NBAS: variants seen among roughly 807,000 people sequenced by gnomAD.
The protein encoded by NBAS is NAG/BC035112 fusion.
NBAS carries 219 observed loss-of-function variants against 302.5 expected under a neutral mutation model. The ratio of observed to expected loss-of-function variants is 0.72; its 90% CI spans 0.65 to 0.81. NBAS has a LOEUF of 0.81. Among genes scored for constraint, NBAS ranks in the 30% least tolerant of loss-of-function variants. The probability of loss-of-function intolerance (pLI) is 0.00; values close to 1 mark genes in which losing one functional copy is unlikely to be tolerated. For synonymous variants in NBAS, 1,118 were observed against 1,021.6 expected, an observed-to-expected ratio of 1.09 and a Z score of -1.80; for missense variants, 2,932 against 2,841.6, an observed-to-expected ratio of 1.03 and a Z score of -0.72.
At chr2:15,477,789 T>G (rs1439727333) in intron 13 of NBAS, among the ~76,000 whole-genome samples, 1 of 150,544 alleles carries the variant, frequency 6.6e-6, no homozygotes, top group Non-Finnish European at 1.5e-5. Flanking sequence ...AAATCTTGAT[T>G]TTTTTCTACT....
chr2:15,442,468 C>A lies in NBAS; in HGVS notation c.2340-14674G>T, dbSNP rs534261669. Among the ~76,000 whole-genome samples the A allele has an allele frequency of 3.3e-5, 5 of 151,958 alleles. No homozygotes were observed. In the South Asian group the frequency reaches 8.3e-4, roughly 25 times the overall value. Reference sequence around the variant, plus strand: ...TTTGAAACCAACAAGAACAAAGACACAACATACCAGAATCTCTGGGACACA... The same window carrying A: ...TTTGAAACCAACAAGAACAAAGACAAAACATACCAGAATCTCTGGGACACA... On this transcript the variant is annotated intron_variant, in intron 21 of 51. Transcript: ENST00000281513.
At chr2:15,299,440 T>G (rs1331875525) in intron 40 of NBAS, among the ~76,000 whole-genome samples, 1 of 152,232 alleles carries the variant, frequency 6.6e-6, no homozygotes, top group Non-Finnish European at 1.5e-5. Context: ...TCTGGTTTAA[T>G]AGTCTCTACA....
chr2:15,153,632 G>A, the NBAS span, among the ~76,000 whole-genome samples: 121 of 152,272 alleles, frequency 7.9e-4, no homozygotes, highest in Non-Finnish European at 1.3e-3. Context: ...TTTTTAAATC[G>A]TGTTATTCCC....
the NBAS span, among the ~76,000 whole-genome samples, chr2:14,969,516 A>C: frequency 6.6e-6 from 1 of 152,036 alleles, no homozygotes; most frequent in Non-Finnish European, 1.5e-5. Context: ...AGCTGGGATT[A>C]TAGGCACACA....
chr2:14,860,730 C>T, the NBAS span, among the ~76,000 whole-genome samples: 2 of 151,952 alleles, frequency 1.3e-5, no homozygotes, highest in African/African-American at 4.8e-5. Flanking sequence ...TTAATGGGTA[C>T]AAATATACAG....
rs577088819 is a variant in NBAS, at chr2:15,441,203, G to A, written c.2340-13409C>T. ...AAGAGCAACTCCAAGACACATAATTGTCAGATTCACCAAAGTTGAAATGAA... is the reference window on the plus strand; with the variant it reads ...AAGAGCAACTCCAAGACACATAATTATCAGATTCACCAAAGTTGAAATGAA... On this transcript the variant is annotated intron_variant, in intron 21 of 51. Transcript: ENST00000281513. Among the ~76,000 whole-genome samples, 714 of 152,218 alleles carry A rather than the reference G, an allele frequency of 4.7e-3. 8 individuals are homozygous for A. Among genetic ancestry groups the A allele is most frequent in the African/African-American group, 0.016 (664 of 41,538 alleles).
intron 7 of NBAS, among the ~76,000 whole-genome samples, chr2:15,537,119 G>A (rs1389488885): frequency 6.6e-6 from 1 of 152,038 alleles, no homozygotes; most frequent in East Asian, 1.9e-4. Flanking sequence ...CCCATGAAGG[G>A]GATTCGAATA....
chr2:15,144,051 A>ATATATATATATC, the NBAS span, among the ~76,000 whole-genome samples: 1 of 136,584 alleles, frequency 7.3e-6, no homozygotes, highest in Non-Finnish European at 1.5e-5. Flanking sequence ...ATATAAAAAT[A>ATATATATATATC]TATATATATA....
the NBAS span, among the ~76,000 whole-genome samples, chr2:15,105,107 A>AG: frequency 6.6e-6 from 1 of 152,172 alleles, no homozygotes; most frequent in Non-Finnish European, 1.5e-5. Context: ...TGTCCTTTGC[A>AG]GGGACATAGA....
At chr2:15,001,693 G>C in the NBAS span, among the ~76,000 whole-genome samples, 1 of 152,134 alleles carries the variant, frequency 6.6e-6, no homozygotes, top group African/African-American at 2.4e-5. Context: ...CTCGCAGTGA[G>C]TGTTACAGCT....
intron 16 of NBAS, among the ~76,000 whole-genome samples, chr2:15,472,142 T>C (rs529817837): frequency 6.6e-6 from 1 of 152,332 alleles, no homozygotes; most frequent in Admixed American, 6.5e-5. Flanking sequence ...TGTGGTAGCA[T>C]ATCTCATTTG....
At chr2:15,069,988 G>A in the NBAS span, among the ~76,000 whole-genome samples, 1 of 94,802 alleles carries the variant, frequency 1.1e-5, no homozygotes. Flanking sequence ...TGCTACCTTT[G>A]GTCAGAACCC....
At chr2:15,340,543 G>A (rs1672799766) in intron 35 of NBAS, among the ~76,000 whole-genome samples, 1 of 152,138 alleles carries the variant, frequency 6.6e-6, no homozygotes, top group South Asian at 2.1e-4. Flanking sequence ...TGTTAGGTTG[G>A]CAGCTGTACA....
At chr2:15,535,759 G>T (rs1663476077) in intron 8 of NBAS, among the ~76,000 whole-genome samples, 1 of 152,052 alleles carries the variant, frequency 6.6e-6, no homozygotes, top group African/African-American at 2.4e-5. Flanking sequence ...CACAATTTTT[G>T]AATGTTTTCA....
rs1664064112 is a variant in NBAS, at chr2:15,167,188, C to A, written c.6976G>T (p.Asp2326Tyr). Residue 2326 changes from aspartate to tyrosine, a missense_variant, in exon 52 of 52, where the codon GAT (aspartate) becomes TAT (tyrosine). Coordinates refer to ENST00000281513, the MANE Select transcript of NBAS (RefSeq NM_015909.4). ...LLASLQQGRWDAEELGRHLRE... is the reference protein window; with the variant it reads ...LLASLQQGRWYAEELGRHLRE... ...AGGTGTCTGCCCAGCTCCTCTGCAT[C>A]CCAGCGCCCTTGCTGGAGGCTAGCC... 6.2e-7 allele frequency: 1 copy of A among 1,614,136 alleles called. No individual in the cohort carries two copies. The highest frequency in any genetic ancestry group is 1.3e-5 in the African/African-American group (1 of 74,950).
the NBAS span, among the ~76,000 whole-genome samples, chr2:14,975,042 C>A: frequency 6.6e-6 from 1 of 152,230 alleles, no homozygotes; most frequent in South Asian, 2.1e-4. Context: ...AAGAATGACC[C>A]CTGGCTCACA....
chr2:15,346,679 T>A (rs1213173184), intron 35 of NBAS, among the ~76,000 whole-genome samples: 1 of 152,148 alleles, frequency 6.6e-6, no homozygotes, highest in Non-Finnish European at 1.5e-5. Flanking sequence ...TGTAAATCAT[T>A]CTTCTATAAG....
intron 11 of NBAS, among the ~76,000 whole-genome samples, chr2:15,489,608 A>C (rs1326870920): frequency 3.3e-5 from 5 of 152,208 alleles, no homozygotes; most frequent in Non-Finnish European, 7.3e-5. Flanking sequence ...TTTGCTGCCA[A>C]ATTATCCAGT....
chr2:15,535,551 T>TAAATAAATAAAC (rs150767923), intron 8 of NBAS, among the ~76,000 whole-genome samples: 5,337 of 147,808 alleles, frequency 0.036, 321 homozygotes, highest in African/African-American at 0.12. Flanking sequence ...AATAAATAAA[T>TAAATAAATAAAC]AAATAAATAA....
Sources: gnomAD v4.1 joint callset for allele counts (sites outside exome capture counted in the v4.1 genomes callset) on GRCh38, gnomAD v4.1.1 for gene constraint, MANE v1.5 for transcripts, NCBI Gene and HGNC (gene_info 2026-07-23, HGNC 2026-07-21) for gene names.